The following AGBL4 variants were observed in gnomAD, a reference collection of about 807,000 sequenced individuals.
AGBL4 encodes the protein AGBL carboxypeptidase 4, also known as cytosolic carboxypeptidase 6.
In AGBL4, 58 loss-of-function variants were observed where a neutral mutation model predicts 66.4. The ratio of observed to expected loss-of-function variants is 0.87; its 90% CI spans 0.71 to 1.09. The LOEUF (loss-of-function observed/expected upper bound fraction) is 1.09, where lower values mean the gene tolerates loss of function less well. Ranked by LOEUF, AGBL4 falls within the 50% of genes least tolerant of loss-of-function variation. The probability of loss-of-function intolerance (pLI) is 0.00; values close to 1 mark genes in which losing one functional copy is unlikely to be tolerated. For missense variants in AGBL4, 579 were observed against 631.0 expected (o/e 0.92, Z 0.88); for synonymous variants, 234 against 222.9 (o/e 1.05, Z -0.44).
intron 11 of AGBL4, among the ~76,000 whole-genome samples, chr1:48,545,662 T>C (rs1474247211): frequency 2.0e-5 from 3 of 152,152 alleles, no homozygotes; most frequent in Non-Finnish European, 4.4e-5. Flanking sequence ...CATTGATCTG[T>C]TTCTCAAAAA....
chr1:48,812,682 T>C (rs961444966), intron 6 of AGBL4, among the ~76,000 whole-genome samples: 1 of 152,198 alleles, frequency 6.6e-6, no homozygotes, highest in Non-Finnish European at 1.5e-5. Context: ...GCGGCACTAT[T>C]CACAACAGCA....
intron 8 of AGBL4, among the ~76,000 whole-genome samples, chr1:48,643,366 T>C (rs553981100): frequency 2.1e-4 from 32 of 152,238 alleles, no homozygotes; most frequent in Admixed American, 7.2e-4. Flanking sequence ...CTTTGTGTGG[T>C]GCACAGACTG....
intron 11 of AGBL4, among the ~76,000 whole-genome samples, chr1:48,554,878 A>T (rs1445352630): frequency 6.6e-6 from 1 of 152,174 alleles, no homozygotes; most frequent in Non-Finnish European, 1.5e-5. Flanking sequence ...GGCTTGAAAA[A>T]TTATTTTTAT....
chr1:49,975,061 C>A (rs1658446505), intron 1 of AGBL4, among the ~76,000 whole-genome samples: 1 of 152,094 alleles, frequency 6.6e-6, no homozygotes, highest in Non-Finnish European at 1.5e-5. Flanking sequence ...AGAAACTATT[C>A]TCTTTTAATG....
intron 3 of AGBL4, among the ~76,000 whole-genome samples, chr1:49,647,673 G>C (rs1645915890): frequency 6.6e-6 from 1 of 151,960 alleles, no homozygotes. Flanking sequence ...TACTTAACAA[G>C]GTCTTCTCTC....
At chr1:48,535,512 GTAGGTGCTTGAGGAGTATTTGATGACTA>G (rs969621733) in intron 12 of AGBL4, among the ~76,000 whole-genome samples, 2 of 152,136 alleles carry the variant, frequency 1.3e-5, no homozygotes, top group Non-Finnish European at 2.9e-5. Flanking sequence ...CTGGTGTGGA[GTAGGTGCTTGAGGAGTATTTGATGACTA>G]GAAATGAACT....
chr1:49,905,042 CTT>C (rs958948695), intron 1 of AGBL4, among the ~76,000 whole-genome samples: 2 of 152,138 alleles, frequency 1.3e-5, no homozygotes, highest in African/African-American at 4.8e-5. Context: ...CAGAATTCCT[CTT>C]GTGATGATTA....
At chr1:49,172,079 A>G (rs756323159) in intron 4 of AGBL4, among the ~76,000 whole-genome samples, 2 of 152,208 alleles carry the variant, frequency 1.3e-5, no homozygotes, top group Admixed American at 6.5e-5. Flanking sequence ...TTTCTTCCCT[A>G]TGTTCCAGCT....
intron 6 of AGBL4, among the ~76,000 whole-genome samples, chr1:48,689,220 AAAAG>A (rs1193120973): frequency 3.7e-5 from 5 of 133,920 alleles, no homozygotes; most frequent in Admixed American, 1.4e-4. Flanking sequence ...AAAAAAAAAA[AAAAG>A]AAAAGAAAAG....
chr1:49,934,179 C>T (rs1219383109), intron 1 of AGBL4, among the ~76,000 whole-genome samples: 3 of 152,058 alleles, frequency 2.0e-5, no homozygotes, highest in African/African-American at 7.2e-5. Flanking sequence ...ATAAACAGAA[C>T]TGAAAGGAGA....
intron 6 of AGBL4, among the ~76,000 whole-genome samples, chr1:48,741,952 A>G (rs1649979590): frequency 6.6e-6 from 1 of 152,244 alleles, no homozygotes; most frequent in Non-Finnish European, 1.5e-5. Flanking sequence ...CCCTGCTGGT[A>G]TATCATCATG....
chr1:49,836,995 C>T (rs1206670840), intron 2 of AGBL4, among the ~76,000 whole-genome samples: 1 of 152,180 alleles, frequency 6.6e-6, no homozygotes, highest in Non-Finnish European at 1.5e-5. Context: ...ACGGAGCTCT[C>T]CTGTATGAGG....
intron 1 of AGBL4, among the ~76,000 whole-genome samples, chr1:49,862,770 T>C (rs1043108364): frequency 1.3e-5 from 2 of 152,166 alleles, no homozygotes; most frequent in African/African-American, 4.8e-5. Flanking sequence ...AAAAAGCTTT[T>C]ACCCTAGAAT....
At chr1:49,432,061 A>G (rs997453238) in intron 3 of AGBL4, among the ~76,000 whole-genome samples, 1 of 152,162 alleles carries the variant, frequency 6.6e-6, no homozygotes, top group African/African-American at 2.4e-5. Flanking sequence ...CCCATTTAGG[A>G]TTAAACAAGT....
intron 3 of AGBL4, among the ~76,000 whole-genome samples, chr1:49,280,738 T>A (rs867180727): frequency 1.3e-5 from 2 of 152,322 alleles, no homozygotes; most frequent in South Asian, 4.1e-4. Flanking sequence ...TCTTTATTTT[T>A]AAAAAAATTG....
Position 48,853,785 on chromosome 1 carries a change from G to C in AGBL4, c.634+13406C>G, listed in dbSNP as rs184991716. On this transcript the variant is annotated intron_variant, in intron 6 of 13. Coordinates refer to ENST00000371839, the MANE Select transcript of AGBL4 (RefSeq NM_032785.4). ...GGTTGACTATAATTGCACTGCTTCA[G>C]GTCACAGCACATTACACTGGCCTAC... Among the ~76,000 whole-genome samples, 8 of 152,200 alleles carry C rather than the reference G, an allele frequency of 5.3e-5. No individual in the cohort carries two copies. In the East Asian group the frequency reaches 1.5e-3, roughly 29 times the overall value.
chr1:49,494,298 A>C (rs1284456072), intron 3 of AGBL4, among the ~76,000 whole-genome samples: 1 of 151,468 alleles, frequency 6.6e-6, no homozygotes, highest in Admixed American at 6.6e-5. Context: ...ATTATACTTT[A>C]AGTTTTAGGG....
chr1:48,710,668 C>G (rs1385950947), intron 6 of AGBL4, among the ~76,000 whole-genome samples: 3 of 152,190 alleles, frequency 2.0e-5, no homozygotes, highest in African/African-American at 4.8e-5. Context: ...CCCTGCTCCC[C>G]TCTGTCCCTC....
intron 1 of AGBL4, among the ~76,000 whole-genome samples, chr1:49,886,377 G>T (rs1222159331): frequency 1.3e-5 from 2 of 152,048 alleles, no homozygotes; most frequent in South Asian, 4.1e-4. Context: ...ATGCACGGAG[G>T]AACAAAGTAT....
Sources: allele counts gnomAD v4.1 joint callset (sites outside exome capture counted in the v4.1 genomes callset), GRCh38; gene constraint gnomAD v4.1.1; transcripts MANE v1.5; gene names NCBI Gene and HGNC (gene_info 2026-07-23, HGNC 2026-07-21).